UTS2B: variants seen among roughly 807,000 people sequenced by gnomAD.
UTS2B encodes the protein urotensin 2B.
Under a neutral mutation model 19.2 loss-of-function variants are expected in UTS2B, and 21 were observed. The observed-to-expected ratio is 1.09, with a 90% CI of 0.78 to 1.58. The LOEUF (loss-of-function observed/expected upper bound fraction) is 1.58. UTS2B is among the 40% of genes most tolerant of loss of function. The pLI, the probability that UTS2B is intolerant of heterozygous loss-of-function variation, is 0.00. For missense variants in UTS2B, 138 were observed against 130.3 expected, an observed-to-expected ratio of 1.06 and a Z score of -0.29; for synonymous variants, 57 against 50.2, an observed-to-expected ratio of 1.14 and a Z score of -0.58.
intron 3 of UTS2B, among the ~76,000 whole-genome samples, chr3:191,307,788 T>G (rs1174395976): frequency 2.6e-5 from 4 of 152,102 alleles, no homozygotes; most frequent in Non-Finnish European, 4.4e-5. Flanking sequence ...GTCAGCACCT[T>G]ATGTAGGTGC....
the UTS2B span, among the ~76,000 whole-genome samples, chr3:191,340,280 A>G: frequency 1.3e-5 from 2 of 152,216 alleles, no homozygotes; most frequent in African/African-American, 4.8e-5. Flanking sequence ...AGGGCTCTTT[A>G]TACTATAATT....
chr3:191,342,040 A>G, the UTS2B span, among the ~76,000 whole-genome samples: 1 of 152,202 alleles, frequency 6.6e-6, no homozygotes, highest in Non-Finnish European at 1.5e-5. Flanking sequence ...CATGATCTCA[A>G]GGTATCTTTT....
At chr3:191,314,557 A>T (rs891032106) in intron 3 of UTS2B, among the ~76,000 whole-genome samples, 1 of 152,236 alleles carries the variant, frequency 6.6e-6, no homozygotes, top group African/African-American at 2.4e-5. Flanking sequence ...CAAAATCTTT[A>T]GACTGTTTTG....
intron 3 of UTS2B, among the ~76,000 whole-genome samples, chr3:191,305,258 GGT>G (rs1717106859): frequency 6.6e-6 from 1 of 152,170 alleles, no homozygotes; most frequent in Non-Finnish European, 1.5e-5. Flanking sequence ...CTTCCACAAT[GGT>G]TGAACTAATG....
At position 191,298,248 on chromosome 3, in the gene UTS2B, T is replaced by A. The variant is rs529369429; in HGVS notation, c.-125+6244A>T. On this transcript the variant is annotated intron_variant, in intron 4 of 8. Transcript: ENST00000340524. ...ATTGAATTCCAAAAAAAACAGTCACTGCTTTAACTTGGAGATACAGTTTGG... is the reference window on the plus strand; with the variant it reads ...ATTGAATTCCAAAAAAAACAGTCACAGCTTTAACTTGGAGATACAGTTTGG... Among the ~76,000 whole-genome samples the A allele has an allele frequency of 4.6e-5, 7 of 152,274 alleles. No individual in the cohort carries two copies. The East Asian group carries it at 1.3e-3, about 29-fold the overall frequency.
intron 2 of UTS2B, 103 bp downstream of exon 2, chr3:191,328,528 A>C (rs1717813797): frequency 6.6e-6 from 1 of 152,268 alleles, no homozygotes; most frequent in South Asian, 2.1e-4. Flanking sequence ...TGTCTTGGTC[A>C]CCCAGCCACC....
chr3:191,338,592 G>A, the UTS2B span, among the ~76,000 whole-genome samples: 1 of 152,180 alleles, frequency 6.6e-6, no homozygotes, highest in African/African-American at 2.4e-5. Flanking sequence ...GTTTGCTTCT[G>A]TTGTTTTCCC....
chr3:191,302,265 A>G (rs566673623), intron 4 of UTS2B, among the ~76,000 whole-genome samples: 20 of 152,288 alleles, frequency 1.3e-4, no homozygotes, highest in African/African-American at 4.8e-4. Context: ...GCAACCTCTG[A>G]AAGTTACCCT....
At chr3:191,283,899 T>A (rs903418951) in intron 4 of UTS2B, among the ~76,000 whole-genome samples, 1 of 152,206 alleles carries the variant, frequency 6.6e-6, no homozygotes, top group African/African-American at 2.4e-5. Flanking sequence ...ATTTATTTAA[T>A]AAGTTATTTA....
chr3:191,295,443 T>G (rs1408671372), intron 4 of UTS2B, among the ~76,000 whole-genome samples: 3 of 152,142 alleles, frequency 2.0e-5, no homozygotes, highest in East Asian at 3.9e-4. Context: ...TTTTAGCATT[T>G]CCTCTTTCTC....
intron 2 of UTS2B, among the ~76,000 whole-genome samples, chr3:191,316,703 A>G (rs1277842920): frequency 2.0e-5 from 3 of 152,174 alleles, no homozygotes; most frequent in Admixed American, 2.0e-4. Flanking sequence ...GCTAGCCATA[A>G]AAGTTCTCCA....
chr3:191,326,155 T>G (rs558145800), intron 2 of UTS2B, among the ~76,000 whole-genome samples: 31 of 152,366 alleles, frequency 2.0e-4, no homozygotes, highest in Admixed American at 8.5e-4. Context: ...TTTGCCTATA[T>G]TGTTTTTTTA....
chr3:191,335,937 C>T, the UTS2B span, among the ~76,000 whole-genome samples: 2,582 of 149,998 alleles, frequency 0.017, 74 homozygotes, highest in African/African-American at 0.059. Context: ...CGTTTCATGC[C>T]CCCACCAGCC....
intron 4 of UTS2B, among the ~76,000 whole-genome samples, chr3:191,290,213 A>G (rs987044322): frequency 5.9e-5 from 9 of 152,222 alleles, no homozygotes; most frequent in African/African-American, 2.2e-4. Context: ...AAAATACTAA[A>G]TTCTTGTCAT....
At chr3:191,269,957 C>A (rs1347995233) in intron 8 of UTS2B, among the ~76,000 whole-genome samples, 1 of 152,218 alleles carries the variant, frequency 6.6e-6, no homozygotes, top group African/African-American at 2.4e-5. Flanking sequence ...AACCAGCTTT[C>A]TGGTGTCACT....
chr3:191,270,546 T>G (rs908752797), intron 8 of UTS2B, among the ~76,000 whole-genome samples: 7 of 150,720 alleles, frequency 4.6e-5, no homozygotes, highest in African/African-American at 9.8e-5. Flanking sequence ...ACAAAAAAGG[T>G]TTTTTTTTTA....
chr3:191,298,224 T>C (rs1485397308), intron 4 of UTS2B, among the ~76,000 whole-genome samples: 1 of 144,760 alleles, frequency 6.9e-6, no homozygotes, highest in Non-Finnish European at 1.6e-5. Flanking sequence ...AATGTATACA[T>C]TGAATTCCAA....
chr3:191,268,539 G>T, intron 8 of UTS2B, 98 bp from the exon 9 acceptor site: 1 of 770,666 alleles, frequency 1.3e-6, no homozygotes, highest in Non-Finnish European at 2.1e-6. Context: ...CGAGAGTTAA[G>T]TTTTTAAAAG....
At chr3:191,274,516 C>A (rs1560132122) in intron 8 of UTS2B, among the ~76,000 whole-genome samples, 1 of 152,036 alleles carries the variant, frequency 6.6e-6, no homozygotes, top group Non-Finnish European at 1.5e-5. Context: ...AAATTTGAAC[C>A]CAGGCAGTCT....
Sources: allele counts gnomAD v4.1 joint callset (sites outside exome capture counted in the v4.1 genomes callset), GRCh38; gene constraint gnomAD v4.1.1; transcripts MANE v1.5; gene names NCBI Gene and HGNC (gene_info 2026-07-23, HGNC 2026-07-21).